Variants in SMURF2 observed in about 807,000 individuals in gnomAD.
SMURF2 encodes the protein E3 ubiquitin-protein ligase SMURF2.
SMURF2 carries 48 observed loss-of-function variants against 109.6 expected under a neutral mutation model. That is an observed-to-expected ratio of 0.44 (90% CI 0.35 to 0.56). The LOEUF (loss-of-function observed/expected upper bound fraction) is 0.56. SMURF2 is among the 20% of genes least tolerant of loss of function. The pLI is 0.01. For missense variants in SMURF2, 575 were observed against 909.0 expected (o/e 0.63, Z 4.72); for synonymous variants, 288 against 317.1 (o/e 0.91, Z 0.97).
chr17:64,649,921 C>T (rs1292294655), intron 1 of SMURF2, among the ~76,000 whole-genome samples: 1 of 152,120 alleles, frequency 6.6e-6, no homozygotes, highest in African/African-American at 2.4e-5. Flanking sequence ...ATGAATACTT[C>T]ATGATATGCT....
intron 2 of SMURF2, among the ~76,000 whole-genome samples, chr17:64,598,706 G>A (rs544229719): frequency 2.6e-5 from 4 of 152,052 alleles, no homozygotes; most frequent in Admixed American, 2.6e-4. Flanking sequence ...TCTCAAAATA[G>A]TCCCAGTTTA....
At chr17:64,657,425 C>G (rs1970719489) in intron 1 of SMURF2, among the ~76,000 whole-genome samples, 4 of 152,002 alleles carry the variant, frequency 2.6e-5, no homozygotes, top group South Asian at 4.1e-4. Flanking sequence ...GGCATGGTGG[C>G]TCACACCTGT....
At chr17:64,649,116 T>C (rs1379663447) in intron 1 of SMURF2, among the ~76,000 whole-genome samples, 2 of 152,244 alleles carry the variant, frequency 1.3e-5, no homozygotes, top group Non-Finnish European at 2.9e-5. Context: ...CTACAACATG[T>C]AGCATTTAAA....
At chr17:64,577,598 A>AAAG (rs1555686176) in intron 9 of SMURF2, among the ~76,000 whole-genome samples, 1 of 150,284 alleles carries the variant, frequency 6.7e-6, no homozygotes, top group Admixed American at 6.6e-5. Context: ...AAAAAAAAAA[A>AAAG]AGAGAGAGAG....
intron 1 of SMURF2, among the ~76,000 whole-genome samples, chr17:64,626,274 AC>A (rs1555691169): frequency 3.3e-5 from 5 of 151,290 alleles, no homozygotes; most frequent in Non-Finnish European, 4.4e-5. Flanking sequence ...AAAAAAAAAA[AC>A]AAAAAACATA....
rs570832427 is a variant in SMURF2, at chr17:64,547,540, C to G, written c.2071+60G>C. 1 of 1,414,516 alleles carries G rather than the reference C, an allele frequency of 7.1e-7. No homozygotes were observed. The highest frequency in any genetic ancestry group is 1.4e-5 in the African/African-American group (1 of 70,902). The allele number at this position is 1,414,516 out of a possible 1,614,324, so 87.6% of individuals were successfully genotyped here. The stretch of plus-strand genomic sequence containing the variant: ...TGGTTTACAAAATATCTCCACAGAC[C>G]CCACGCTGACAGCCCCGCCCCCACC... On this transcript the variant is annotated intron_variant, in intron 17 of 18. Coordinates refer to ENST00000262435, the MANE Select transcript of SMURF2 (RefSeq NM_022739.4). This position sits in a 1 kb window ranked among gnomAD's most constrained non-coding sequence, Gnocchi z 4.2.
chr17:64,602,141 C>T (rs1457582654), intron 2 of SMURF2, among the ~76,000 whole-genome samples: 4 of 151,426 alleles, frequency 2.6e-5, no homozygotes, highest in Non-Finnish European at 4.4e-5. Context: ...GATGCAAAGG[C>T]GTAAGAATGA....
chr17:64,643,787 G>A (rs550529111), intron 1 of SMURF2, among the ~76,000 whole-genome samples: 1 of 152,238 alleles, frequency 6.6e-6, no homozygotes, highest in South Asian at 2.1e-4. Context: ...GGGGAAGCCT[G>A]GGAAGAATTC....
At chr17:64,552,016 T>C (rs1354669180) in intron 15 of SMURF2, among the ~76,000 whole-genome samples, 2 of 152,168 alleles carry the variant, frequency 1.3e-5, no homozygotes, top group East Asian at 3.8e-4. Context: ...CTTTCTAAAC[T>C]TACAGCATAC....
intron 9 of SMURF2, chr17:64,573,125 AGAGGAGGAGGAGGAGGAGGAGGAG>A (rs372553868): frequency 7.1e-5 from 3 of 42,268 alleles, no homozygotes; most frequent in Non-Finnish European, 1.1e-4. Context: ...ATTAAAAAAA[AGAGGAGGAGGAGGAGGAGGAGGAG>A]GAGGAGGAGG....
At chr17:64,557,550 A>T in intron 13 of SMURF2, 58 bp downstream of exon 13, 1 of 1,098,048 alleles carries the variant, frequency 9.1e-7, no homozygotes, top group Non-Finnish European at 1.4e-6. Flanking sequence ...AACTACATTA[A>T]CATGTAAACA....
chr17:64,602,320 T>C (rs555232740), intron 2 of SMURF2, among the ~76,000 whole-genome samples: 21 of 152,134 alleles, frequency 1.4e-4, no homozygotes, highest in South Asian at 4.1e-4. Context: ...CCAAAACTTA[T>C]TGAAATAAAA....
intron 2 of SMURF2, among the ~76,000 whole-genome samples, chr17:64,605,744 A>AATACATATATATATATATATATATAT (rs1407403305): frequency 2.0e-5 from 2 of 99,120 alleles, no homozygotes; most frequent in African/African-American, 8.0e-5. Flanking sequence ...CTCTAAAAAG[A>AATACATATATATATATATATATATAT]ATATATATAT....
rs1969580065 is a variant in SMURF2 at position 64,581,702 on chromosome 17, T to G, written c.570-711A>C. Among the ~76,000 whole-genome samples, 1 of 152,158 alleles carries G rather than the reference T, an allele frequency of 6.6e-6. No homozygotes were observed. Reference sequence around the variant, plus strand: ...GCTCACACCTGTAATCCCAGCACTTTGGGAGACCGAAGCGAGCGGATCACT... The same window carrying G: ...GCTCACACCTGTAATCCCAGCACTTGGGGAGACCGAAGCGAGCGGATCACT... On this transcript the variant is annotated intron_variant, in intron 7 of 18. Transcript: ENST00000262435. The surrounding 1 kb of genome is among the most constrained non-coding windows in gnomAD (Gnocchi z 4.3).
In SMURF2 at chr17:64,557,767, C is replaced by T; in HGVS notation, c.1317-45G>A. 2.8e-6 allele frequency: 3 copies of T among 1,070,628 alleles called. No homozygotes were observed. In the East Asian group the frequency reaches 7.2e-5, roughly 26 times the overall value. The allele number at this position is 1,070,628 out of a possible 1,614,324, so 66.3% of individuals were successfully genotyped here. ...CAAGGAATTTTTTTGTTAATGTATA[C>T]ATTTTTATTAAGATATGTCATTAAC... On this transcript the variant is annotated intron_variant, in intron 12 of 18. Coordinates refer to ENST00000262435, the MANE Select transcript of SMURF2 (RefSeq NM_022739.4).
At chr17:64,583,101 A>G (rs1238726590) in intron 7 of SMURF2, among the ~76,000 whole-genome samples, 1 of 152,174 alleles carries the variant, frequency 6.6e-6, no homozygotes, top group Admixed American at 6.5e-5. Context: ...CATGTTGCCC[A>G]GGCTGGTCTC....
chr17:64,546,900 C>T (rs146677335), intron 17 of SMURF2, among the ~76,000 whole-genome samples: 75 of 152,334 alleles, frequency 4.9e-4, no homozygotes, highest in East Asian at 1.7e-3. Context: ...GCTCTCCCCC[C>T]AGGGATTTCA....
intron 1 of SMURF2, among the ~76,000 whole-genome samples, chr17:64,621,349 GT>G (rs1970198443): frequency 1.3e-5 from 2 of 152,232 alleles, no homozygotes; most frequent in African/African-American, 4.8e-5. Context: ...GGAGGCTGAG[GT>G]GGGTGGATCA....
At chr17:64,593,146 T>A (rs1555687806) in intron 4 of SMURF2, 1 of 161,540 alleles carries the variant, frequency 6.2e-6, no homozygotes, top group Non-Finnish European at 1.3e-5. Flanking sequence ...TACTTTTAAA[T>A]TAGCTGGAAA....
Sources: gnomAD v4.1 joint callset for allele counts (sites outside exome capture counted in the v4.1 genomes callset) on GRCh38, gnomAD v4.1.1 for gene constraint, Gnocchi (gnomAD v3.1) non-coding constraint, MANE v1.5 for transcripts, NCBI Gene and HGNC (gene_info 2026-07-23, HGNC 2026-07-21) for gene names.